Variants in DLGAP2 observed in about 807,000 individuals in gnomAD.
The protein encoded by DLGAP2 is DLG associated protein 2, also known as disks large-associated protein 2.
In DLGAP2, 26 loss-of-function variants were observed where a neutral mutation model predicts 100.3. That is an observed-to-expected ratio of 0.26 (90% confidence interval 0.19 to 0.36). The LOEUF (loss-of-function observed/expected upper bound fraction) is 0.36. DLGAP2 is among the 10% of genes least tolerant of loss of function. DLGAP2 has a pLI of 1.00. For missense variants in DLGAP2, 1,858 were observed against 1,453.2 expected (o/e 1.28, Z -4.53); for synonymous variants, 886 against 630.1 (o/e 1.41, Z -6.08).
chr8:1,321,941 A>G (rs948016729), intron 3 of DLGAP2, among the ~76,000 whole-genome samples: 2 of 152,236 alleles, frequency 1.3e-5, no homozygotes, highest in East Asian at 1.9e-4. Context: ...AAATACAGGC[A>G]TTTAATTTTA....
chr8:1,585,963 G>C (rs1234835028), intron 6 of DLGAP2, among the ~76,000 whole-genome samples: 1 of 152,226 alleles, frequency 6.6e-6, no homozygotes, highest in Non-Finnish European at 1.5e-5. Flanking sequence ...TATGGGCGTA[G>C]TTTACAATAA....
chr8:1,634,858 A>G (rs547368055), intron 8 of DLGAP2, among the ~76,000 whole-genome samples: 2 of 152,340 alleles, frequency 1.3e-5, no homozygotes, highest in African/African-American at 4.8e-5. Flanking sequence ...TTTAATTTAT[A>G]TATATACAAT....
At chr8:1,254,247 G>A (rs940436817) in intron 2 of DLGAP2, among the ~76,000 whole-genome samples, 5 of 152,190 alleles carry the variant, frequency 3.3e-5, no homozygotes, top group African/African-American at 1.2e-4. Context: ...CGTCTCCCCT[G>A]CCCTGGGGGA....
intron 2 of DLGAP2, among the ~76,000 whole-genome samples, chr8:1,176,545 C>T (rs1458314948): frequency 6.6e-6 from 1 of 152,176 alleles, no homozygotes; most frequent in African/African-American, 2.4e-5. Context: ...GTGAATTTAA[C>T]TGGTTTATTG....
At chr8:1,240,068 A>ACC (rs201521477) in intron 2 of DLGAP2, among the ~76,000 whole-genome samples, 3 of 67,434 alleles carry the variant, frequency 4.4e-5, no homozygotes, top group East Asian at 5.6e-4. Context: ...GTGTCTAGTT[A>ACC]TCTCACATGG....
At chr8:1,328,068 C>T (rs954928651) in intron 3 of DLGAP2, among the ~76,000 whole-genome samples, 1 of 151,962 alleles carries the variant, frequency 6.6e-6, no homozygotes, top group South Asian at 2.1e-4. Flanking sequence ...GAGACAGAGT[C>T]TCACTCTGTC....
At chr8:1,238,013 G>C (rs149508874) in intron 2 of DLGAP2, among the ~76,000 whole-genome samples, 3,637 of 8,582 alleles carry the variant, frequency 0.42, 1,699 homozygotes, top group Non-Finnish European at 0.56. Flanking sequence ...TCCGTGTCTG[G>C]TTCTCTCACA....
At chr8:1,291,089 C>G (rs1800048085) in intron 3 of DLGAP2, among the ~76,000 whole-genome samples, 1 of 152,016 alleles carries the variant, frequency 6.6e-6, no homozygotes, top group Non-Finnish European at 1.5e-5. Flanking sequence ...GTCACAGGGC[C>G]TATAAAATAA....
At chr8:1,153,088 G>T (rs1374892608) in intron 2 of DLGAP2, among the ~76,000 whole-genome samples, 1 of 152,044 alleles carries the variant, frequency 6.6e-6, no homozygotes, top group African/African-American at 2.4e-5. Context: ...CTACCTTTGA[G>T]AGGCCTTCTC....
intron 2 of DLGAP2, among the ~76,000 whole-genome samples, chr8:1,084,856 A>G (rs1803923314): frequency 6.6e-6 from 1 of 152,206 alleles, no homozygotes; most frequent in Non-Finnish European, 1.5e-5. Context: ...AGGCATCTCC[A>G]CATGCTGATT....
chr8:1,260,178 A>G (rs1799317254), intron 3 of DLGAP2, among the ~76,000 whole-genome samples: 1 of 152,136 alleles, frequency 6.6e-6, no homozygotes, highest in African/African-American at 2.4e-5. Flanking sequence ...GCAGAGGATG[A>G]TGAAATTCTG....
At chr8:1,227,176 T>TATATATATATATA (rs1563265057) in intron 2 of DLGAP2, among the ~76,000 whole-genome samples, 1 of 58,928 alleles carries the variant, frequency 1.7e-5, no homozygotes, top group Non-Finnish European at 3.1e-5. Context: ...ATATATATAG[T>TATATATATATATA]ATAGATATAT....
At chr8:1,507,624 C>T (rs1799974135) in intron 4 of DLGAP2, among the ~76,000 whole-genome samples, 1 of 152,148 alleles carries the variant, frequency 6.6e-6, no homozygotes, top group South Asian at 2.1e-4. Context: ...GCGGAGGAGG[C>T]GCCGGGAGTG....
At chr8:1,429,344 A>C (rs1332649929) in intron 3 of DLGAP2, among the ~76,000 whole-genome samples, 1 of 152,186 alleles carries the variant, frequency 6.6e-6, no homozygotes, top group African/African-American at 2.4e-5. Context: ...GGGCCATCCC[A>C]GCCCATTGGC....
intron 3 of DLGAP2, among the ~76,000 whole-genome samples, chr8:1,479,524 T>C (rs1035734814): frequency 2.6e-5 from 4 of 152,102 alleles, no homozygotes; most frequent in Non-Finnish European, 4.4e-5. Flanking sequence ...GGGAAAGTGG[T>C]GTTTACTTGA....
intron 4 of DLGAP2, among the ~76,000 whole-genome samples, chr8:1,514,816 A>G (rs531474695): frequency 2.0e-5 from 3 of 152,338 alleles, no homozygotes; most frequent in African/African-American, 7.2e-5. Context: ...GGCCGGCCTG[A>G]GTCCGGAGGG....
At chr8:922,622 G>T (rs1798738866) in intron 2 of DLGAP2, among the ~76,000 whole-genome samples, 1 of 152,146 alleles carries the variant, frequency 6.6e-6, no homozygotes, top group Non-Finnish European at 1.5e-5. Flanking sequence ...GAGAAGCTTT[G>T]ATTATTTGCA....
intron 6 of DLGAP2, among the ~76,000 whole-genome samples, chr8:1,586,868 A>C (rs7823765): frequency 0.097 from 14,810 of 152,270 alleles, 954 homozygotes; most frequent in African/African-American, 0.19. Context: ...TAGCATCATA[A>C]GGGGATTTTC....
intron 10 of DLGAP2, among the ~76,000 whole-genome samples, chr8:1,675,364 C>T (rs945269944): frequency 6.6e-6 from 1 of 152,222 alleles, no homozygotes; most frequent in Non-Finnish European, 1.5e-5. Flanking sequence ...CCAGCTCTCT[C>T]CTGGGGCTGG....
Sources: gnomAD v4.1 joint callset for allele counts (sites outside exome capture counted in the v4.1 genomes callset) on GRCh38, gnomAD v4.1.1 for gene constraint, MANE v1.5 for transcripts, NCBI Gene and HGNC (gene_info 2026-07-23, HGNC 2026-07-21) for gene names.